Variants in EEF1AKMT4 observed in about 807,000 individuals in gnomAD.
EEF1AKMT4 encodes EEF1A lysine methyltransferase 4, also known as eukaryotic translation elongation factor 1 alpha lysine specific methyltransferase 4.
In EEF1AKMT4, 17 loss-of-function variants were observed where a neutral mutation model predicts 23.0. The observed-to-expected ratio is 0.74, with a 90% confidence interval of 0.51 to 1.11. The LOEUF is 1.11. EEF1AKMT4 is among the 50% of genes least tolerant of loss of function. The pLI is 0.00. For synonymous variants in EEF1AKMT4, 140 were observed against 141.4 expected, an observed-to-expected ratio of 0.99 and a Z score of 0.07; for missense variants, 318 against 333.4, an observed-to-expected ratio of 0.95 and a Z score of 0.36.
At chr3:184,250,999 C>T (rs1219169817) in intron 1 of EEF1AKMT4, among the ~76,000 whole-genome samples, 2 of 150,920 alleles carry the variant, frequency 1.3e-5, no homozygotes, top group Non-Finnish European at 2.9e-5. Context: ...GCAGGAAAAT[C>T]GCTTGAACCA....
intron 1 of EEF1AKMT4, among the ~76,000 whole-genome samples, chr3:184,257,225 A>G (rs1176890391): frequency 6.6e-6 from 1 of 151,770 alleles, no homozygotes; most frequent in Non-Finnish European, 1.5e-5. Flanking sequence ...AAAAAAAAAA[A>G]AAAAATCCAT....
In EEF1AKMT4 at chr3:184,258,356, C is replaced by A; in HGVS notation, c.549C>A (p.Thr183=). 1 of 1,613,876 alleles carries A rather than the reference C, an allele frequency of 6.2e-7. No homozygotes were observed. The highest frequency in any genetic ancestry group is 1.3e-5 in the African/African-American group (1 of 75,034). Residue 183 remains threonine (T), a synonymous_variant, in exon 3 of 3, where the codon ACC becomes ACA. Transcript: ENST00000324557. ...SMTSAAPHFR[T]RHYAQAYYGW... is the part of the protein sequence containing the mutation. ...CTTCTGCTGCCCCCCACTTTCGGACCAGACACTATGCCCAAGCCTATTATG... is the reference window on the plus strand; with the variant it reads ...CTTCTGCTGCCCCCCACTTTCGGACAAGACACTATGCCCAAGCCTATTATG...
intron 1 of EEF1AKMT4, among the ~76,000 whole-genome samples, chr3:184,256,001 C>T (rs1043368777): frequency 6.6e-6 from 1 of 152,142 alleles, no homozygotes; most frequent in African/African-American, 2.4e-5. Flanking sequence ...TTAAGAATTG[C>T]GGCCAGGTGT....
chr3:184,255,414 G>C (rs1343287781), intron 1 of EEF1AKMT4, among the ~76,000 whole-genome samples: 1 of 152,214 alleles, frequency 6.6e-6, no homozygotes, highest in Non-Finnish European at 1.5e-5. Context: ...GCTGCCTCTG[G>C]GTACATTGTC....
chr3:184,251,532 CA>C lies in EEF1AKMT4; in HGVS notation c.196+1656del, dbSNP rs746399253. Among the ~76,000 whole-genome samples the C allele has an allele frequency of 5.1e-3, 682 of 134,666 alleles. 3 individuals carry two copies. Among genetic ancestry groups the C allele is most frequent in the African/African-American group, 0.012 (455 of 36,576 alleles). The allele number at this position is 134,666 out of a possible 152,430, so 88.3% of individuals were successfully genotyped here. A position where few individuals can be genotyped will look rare whatever the true frequency, so the allele number is the denominator to read the frequency against. The stretch of plus-strand genomic sequence containing the variant: ...TGGGTGACAGAGTAAGACCCTGTCT[CA>C]AAAAAAAAAAAAATTAAAACTTAGC... On this transcript the variant is annotated intron_variant, in intron 1 of 2. Coordinates refer to ENST00000324557, the MANE Select transcript of EEF1AKMT4 (RefSeq NM_032331.4).
intron 1 of EEF1AKMT4, among the ~76,000 whole-genome samples, chr3:184,256,356 C>T (rs1719807502): frequency 6.6e-6 from 1 of 151,802 alleles, no homozygotes; most frequent in South Asian, 2.1e-4. Flanking sequence ...CACCTAGTTT[C>T]CCCTTCACTT....
At position 184,258,339 on chromosome 3, in the gene EEF1AKMT4, G is replaced by GC. The variant is rs751055758; in HGVS notation, c.538dup (p.His180ProfsTer68). ...CCGGTTTATCTCAATGACTTCTGCT[G>GC]CCCCCCACTTTCGGACCAGACACTA... On this transcript the variant is annotated frameshift_variant, in exon 3 of 3. Transcript: ENST00000324557. LOFTEE classifies it high-confidence loss of function. The GC allele has an allele frequency of 1.2e-6, 2 of 1,613,564 alleles. No homozygotes were observed. Among genetic ancestry groups the GC allele is most frequent in the Admixed American group, 1.7e-5 (1 of 59,976 alleles).
At chr3:184,258,150 A>C in intron 2 of EEF1AKMT4, 138 bp from the exon 3 acceptor site, 1 of 841,004 alleles carries the variant, frequency 1.2e-6, no homozygotes, top group Non-Finnish European at 1.9e-6. Flanking sequence ...AAAGTGGCTC[A>C]CTCTTTGCCA....
intron 1 of EEF1AKMT4, among the ~76,000 whole-genome samples, chr3:184,253,789 C>G (rs1165883342): frequency 2.0e-5 from 3 of 151,866 alleles, no homozygotes; most frequent in African/African-American, 7.3e-5. Context: ...CCTGCCTCAG[C>G]CTTCCGAGTA....
At chr3:184,254,262 T>G (rs2668189) in intron 1 of EEF1AKMT4, among the ~76,000 whole-genome samples, 30,065 of 151,902 alleles carry the variant, frequency 0.2, 3,088 homozygotes, top group Non-Finnish European at 0.22. Context: ...CTTGACTTCA[T>G]GCTCTGTAGG....
chr3:184,256,939 G>A (rs369391520), intron 1 of EEF1AKMT4, among the ~76,000 whole-genome samples: 1 of 152,104 alleles, frequency 6.6e-6, no homozygotes, highest in South Asian at 2.1e-4. Flanking sequence ...CAAAGTGCTG[G>A]GATTACAGGC....
intron 2 of EEF1AKMT4, 151 bp downstream of exon 2, chr3:184,257,907 G>A (rs1386871559): frequency 1.0e-6 from 1 of 982,696 alleles, no homozygotes; most frequent in Non-Finnish European, 1.5e-6. Context: ...GGGAGGGAAG[G>A]GTTAAGCGGG....
chr3:184,258,271 C>A lies in EEF1AKMT4; in HGVS notation c.481-17C>A. On this transcript the variant is annotated splice_polypyrimidine_tract_variant and intron_variant, in intron 2 of 2. Coordinates refer to ENST00000324557, the MANE Select transcript of EEF1AKMT4 (RefSeq NM_032331.4). Reference sequence around the variant, plus strand: ...AAGATCCACTTCTCACCAATGGCTTCTCTGTCTGCCTTGCAGGTGAGCCGC... The same window carrying A: ...AAGATCCACTTCTCACCAATGGCTTATCTGTCTGCCTTGCAGGTGAGCCGC... 1 of 1,597,030 alleles carries A rather than the reference C, an allele frequency of 6.3e-7. No homozygotes were observed. Among genetic ancestry groups the A allele is most frequent in the Non-Finnish European group, 8.5e-7 (1 of 1,169,976 alleles).
At chr3:184,253,823 C>T (rs1412956056) in intron 1 of EEF1AKMT4, among the ~76,000 whole-genome samples, 2 of 152,188 alleles carry the variant, frequency 1.3e-5, no homozygotes, top group South Asian at 2.1e-4. Context: ...GCGCCCACCA[C>T]CACACCTGGC....
At chr3:184,252,611 T>A (rs1719609221) in intron 1 of EEF1AKMT4, among the ~76,000 whole-genome samples, 1 of 152,172 alleles carries the variant, frequency 6.6e-6, no homozygotes, top group Non-Finnish European at 1.5e-5. Context: ...ATGACTTGGT[T>A]CCGCTATTGT....
intron 1 of EEF1AKMT4, 73 bp from the exon 2 acceptor site, chr3:184,257,400 G>A: frequency 1.4e-6 from 2 of 1,463,802 alleles, no homozygotes; most frequent in South Asian, 1.3e-5. Flanking sequence ...GGCCAAGAGT[G>A]GATGGATATT....
Position 184,258,442 on chromosome 3 carries a change from A to C in EEF1AKMT4, c.635A>C (p.His212Pro), listed in dbSNP as rs374963953. The C allele has an allele frequency of 3.7e-6, 6 of 1,613,742 alleles. No homozygotes were observed. In the East Asian group the frequency reaches 1.3e-4, roughly 36 times the overall value. ...SGFHFHLYLMHKGGKLSVAQL... is the reference protein window; with the variant it reads ...SGFHFHLYLMPKGGKLSVAQL... ...TTCCACTTCCATCTCTACCTCATGCACAAGGGCGGGAAGCTCAGTGTGGCC... is the reference window on the plus strand; with the variant it reads ...TTCCACTTCCATCTCTACCTCATGCCCAAGGGCGGGAAGCTCAGTGTGGCC... Residue 212 changes from histidine to proline, a missense_variant, in exon 3 of 3, where the codon CAC becomes CCC. Transcript: ENST00000324557.
rs764994873 is a variant in EEF1AKMT4 at position 184,258,622 on chromosome 3, C to T, written c.*47C>T. On this transcript the variant is annotated 3_prime_UTR_variant, in exon 3 of 3. Coordinates refer to ENST00000324557, the MANE Select transcript of EEF1AKMT4 (RefSeq NM_032331.4). ...CCTTCCTGCCATTCTGCCCTGGGCT[C>T]CTCAGGTAGTTGGAATTCCTGACTT... is the stretch of plus-strand genomic sequence containing the variant. 6.6e-6 allele frequency: 10 copies of T among 1,515,778 alleles called. No individual in the cohort carries two copies. The South Asian group carries it at 9.4e-5, about 14-fold the overall frequency. The allele number at this position is 1,515,778 out of a possible 1,614,324, so 93.9% of individuals were successfully genotyped here. A position where few individuals can be genotyped will look rare whatever the true frequency, so the allele number is the denominator to read the frequency against.
chr3:184,253,123 T>C (rs1719634510), intron 1 of EEF1AKMT4, among the ~76,000 whole-genome samples: 1 of 152,138 alleles, frequency 6.6e-6, no homozygotes, highest in Admixed American at 6.6e-5. Context: ...TTGTCAAGAA[T>C]GTGCTCCCAG....
Sources: gnomAD v4.1 joint callset for allele counts (sites outside exome capture counted in the v4.1 genomes callset) on GRCh38, gnomAD v4.1.1 for gene constraint, MANE v1.5 for transcripts, NCBI Gene and HGNC (gene_info 2026-07-23, HGNC 2026-07-21) for gene names.